The following EMILIN2 variants were observed in gnomAD, a reference collection of about 807,000 sequenced individuals.
EMILIN2 encodes the protein EMILIN-2.
Under a neutral mutation model 87.1 loss-of-function variants are expected in EMILIN2, and 71 were observed. The ratio of observed to expected loss-of-function variants is 0.82; its 90% CI spans 0.67 to 0.99. The LOEUF is 0.99. Among genes scored for constraint, EMILIN2 ranks in the 50% least tolerant of loss-of-function variants. The pLI is 0.00. For synonymous variants in EMILIN2, 581 were observed against 563.4 expected (o/e 1.03, Z -0.44); for missense variants, 1,407 against 1,371.8 (o/e 1.03, Z -0.40).
chr18:2,913,492 G>T lies in EMILIN2; in HGVS notation c.*88G>T. On this transcript the variant is annotated 3_prime_UTR_variant, in exon 8 of 8. Transcript: ENST00000254528. Reference sequence around the variant, plus strand: ...TTCGGTTTGTATGTAATGGAAGCACGGGGCTAGAGTTTCCACATAGGCCCC... The same window carrying T: ...TTCGGTTTGTATGTAATGGAAGCACTGGGCTAGAGTTTCCACATAGGCCCC... The T allele has an allele frequency of 9.1e-7, 1 of 1,102,806 alleles. No homozygotes were observed. Among genetic ancestry groups the T allele is most frequent in the East Asian group, 2.5e-5 (1 of 39,464 alleles). The allele number at this position is 1,102,806 out of a possible 1,614,324, so 68.3% of individuals were successfully genotyped here. A position where few individuals can be genotyped will look rare whatever the true frequency, so the allele number is the denominator to read the frequency against.
At position 2,892,253 on chromosome 18, in the gene EMILIN2, T is replaced by C; in HGVS notation, c.2126T>C (p.Met709Thr). 1 of 1,613,758 alleles carries C rather than the reference T, an allele frequency of 6.2e-7. No individual in the cohort carries two copies. The highest frequency in any genetic ancestry group is 8.5e-7 in the Non-Finnish European group (1 of 1,179,742). ...VSMVEGRVSH[M>T]EKTCSKLDSI... The stretch of plus-strand genomic sequence containing the variant: ...ATGGTGGAGGGCAGGGTGTCTCATA[T>C]GGAGAAAACTTGCAGCAAGCTGGAC... Residue 709 changes from methionine (M) to threonine (T), a missense_variant, in exon 4 of 8, where the codon ATG becomes ACG. Met to Thr is a moderately conservative substitution (Grantham distance 81, BLOSUM62 -1). Coordinates refer to ENST00000254528, the MANE Select transcript of EMILIN2 (RefSeq NM_032048.3).
At position 2,906,810 on chromosome 18, in the gene EMILIN2, A is replaced by T; in HGVS notation, c.2387A>T (p.Glu796Val). The T allele has an allele frequency of 3.1e-6, 4 of 1,299,884 alleles. No individual in the cohort carries two copies. The highest frequency in any genetic ancestry group is 3.9e-6 in the Non-Finnish European group (4 of 1,030,414). The allele number at this position is 1,299,884 out of a possible 1,614,324, so 80.5% of individuals were successfully genotyped here. ...GCGCCCTCGCCCCCGCCGCCCGCAGAGGCCCCGAAGGAGCCGCTGCAGCCC... is the reference window on the plus strand; with the variant it reads ...GCGCCCTCGCCCCCGCCGCCCGCAGTGGCCCCGAAGGAGCCGCTGCAGCCC... The part of the protein sequence containing the change: ...AKAPSPPPPA[E>V]APKEPLQPEP... The change falls in exon 5 of 8, where the codon GAG (glutamate) becomes GTG (valine). Residue 796 changes from glutamate to valine, a missense_variant. Transcript: ENST00000254528.
intron 4 of EMILIN2, among the ~76,000 whole-genome samples, chr18:2,905,988 G>A (rs898931107): frequency 1.3e-5 from 2 of 152,080 alleles, no homozygotes; most frequent in Admixed American, 6.5e-5. Context: ...TTTTTGTCGG[G>A]TCCTAAACAA....
At chr18:2,882,019 G>A (rs2076779237) in intron 2 of EMILIN2, among the ~76,000 whole-genome samples, 1 of 152,238 alleles carries the variant, frequency 6.6e-6, no homozygotes, top group African/African-American at 2.4e-5. Flanking sequence ...TCCAATGTAA[G>A]GCATCGCCTG....
chr18:2,865,024 G>T (rs1568457884), intron 2 of EMILIN2, among the ~76,000 whole-genome samples: 4 of 152,136 alleles, frequency 2.6e-5, no homozygotes, highest in African/African-American at 9.7e-5. Flanking sequence ...ACTGAGGCTT[G>T]TGCATTCGTC....
At position 2,914,870 on chromosome 18, in the gene EMILIN2, G is replaced by C. The variant is rs1251732643; in HGVS notation, c.*1466G>C. 4 of 152,210 alleles carry C rather than the reference G, an allele frequency of 2.6e-5. No homozygotes were observed. Among genetic ancestry groups the C allele is most frequent in the Non-Finnish European group, 4.4e-5 (3 of 68,060 alleles). The allele number at this position is 152,210 out of a possible 1,614,324, so 9.4% of individuals were successfully genotyped here. A position where few individuals can be genotyped will look rare whatever the true frequency, so the allele number is the denominator to read the frequency against. The stretch of plus-strand genomic sequence containing the variant: ...TTAAAATGTGGACCTCTTTGTCCAG[G>C]AGCGGGAGGGAGAATGGCATCTCAC... On this transcript the variant is annotated 3_prime_UTR_variant, in exon 8 of 8. Transcript: ENST00000254528.
rs2076589284 is a variant in EMILIN2, at chr18:2,848,748, CAT to C, written c.257+818_257+819del. Among the ~76,000 whole-genome samples the C allele has an allele frequency of 6.6e-6, 1 of 152,170 alleles. No individual in the cohort carries two copies. Among genetic ancestry groups the C allele is most frequent in the African/African-American group, 2.4e-5 (1 of 41,432 alleles). ...GTGAATAAATGGCTGTTGAGGAACA[CAT>C]GTGATGGCTGAAATTAATTGTTTTC... is the stretch of plus-strand genomic sequence containing the variant. On this transcript the variant is annotated intron_variant, in intron 2 of 7. Coordinates refer to ENST00000254528, the MANE Select transcript of EMILIN2 (RefSeq NM_032048.3). The surrounding 1 kb of genome is among the most constrained non-coding windows in gnomAD (Gnocchi z 4.1).
intron 4 of EMILIN2, among the ~76,000 whole-genome samples, chr18:2,896,199 G>T (rs2076862583): frequency 6.6e-6 from 1 of 151,828 alleles, no homozygotes; most frequent in Admixed American, 6.6e-5. Flanking sequence ...TTTTTGAGAT[G>T]GAGTCTCCCT....
At chr18:2,884,417 C>T (rs534292394) in intron 2 of EMILIN2, among the ~76,000 whole-genome samples, 6 of 82,464 alleles carry the variant, frequency 7.3e-5, no homozygotes, top group South Asian at 4.4e-4. Context: ...GGCTAAGTTT[C>T]GTATTTTTTG....
intron 4 of EMILIN2, among the ~76,000 whole-genome samples, chr18:2,893,483 A>G (rs1438668124): frequency 1.3e-5 from 2 of 152,208 alleles, no homozygotes; most frequent in Non-Finnish European, 2.9e-5. Flanking sequence ...AATGCTGGCT[A>G]CACCTTAGGC....
chr18:2,906,534 G>A (rs903675390), intron 4 of EMILIN2: 90 of 350,766 alleles, frequency 2.6e-4, no homozygotes, highest in Non-Finnish European at 4.2e-4. Flanking sequence ...AAGTGCAGCC[G>A]TCTGCGCCGG....
chr18:2,910,865 G>GC (rs2076937419), intron 7 of EMILIN2, among the ~76,000 whole-genome samples: 1 of 152,202 alleles, frequency 6.6e-6, no homozygotes, highest in South Asian at 2.1e-4. Context: ...AATTCTCAGT[G>GC]CCCCAGGCTG....
chr18:2,884,208 G>A (rs144336158), intron 2 of EMILIN2, among the ~76,000 whole-genome samples: 2,002 of 152,002 alleles, frequency 0.013, 44 homozygotes, highest in African/African-American at 0.045. Context: ...CGCCTGCCTC[G>A]GCCTCCCAAA....
At chr18:2,907,837 A>G (rs1416299802) in intron 5 of EMILIN2, among the ~76,000 whole-genome samples, 1 of 152,240 alleles carries the variant, frequency 6.6e-6, no homozygotes, top group Non-Finnish European at 1.5e-5. Flanking sequence ...ATGACCCTGA[A>G]TGGGGCAGGT....
In EMILIN2 at chr18:2,847,605, C is replaced by T. The variant is rs2076581733; in HGVS notation, c.135-204C>T. Among the ~76,000 whole-genome samples the T allele has an allele frequency of 6.6e-6, 1 of 152,158 alleles. No individual in the cohort carries two copies. The highest frequency in any genetic ancestry group is 6.5e-5 in the Admixed American group (1 of 15,284). ...CTGGGACCATGGGTGCTTTTCTTTC[C>T]CGTCTTGGTCGGGTCCAGGCGCGCG... On this transcript the variant is annotated intron_variant, in intron 1 of 7. Coordinates refer to ENST00000254528, the MANE Select transcript of EMILIN2 (RefSeq NM_032048.3). The surrounding 1 kb of genome is among the most constrained non-coding windows in gnomAD (Gnocchi z 4.5).
intron 4 of EMILIN2, among the ~76,000 whole-genome samples, chr18:2,895,360 A>AG (rs1483445425): frequency 6.6e-6 from 1 of 152,164 alleles, no homozygotes; most frequent in Non-Finnish European, 1.5e-5. Flanking sequence ...GATCTGATTG[A>AG]GGGATGGGTG....
chr18:2,873,445 C>T (rs866103441), intron 2 of EMILIN2, among the ~76,000 whole-genome samples: 2 of 149,562 alleles, frequency 1.3e-5, no homozygotes, highest in Admixed American at 6.7e-5. Flanking sequence ...CGGTAGCTCA[C>T]GCCTATAATC....
chr18:2,887,783 T>C (rs531513737), intron 3 of EMILIN2, among the ~76,000 whole-genome samples: 32 of 148,382 alleles, frequency 2.2e-4, no homozygotes, highest in African/African-American at 7.6e-4. Flanking sequence ...TTCACTGTCA[T>C]TATAAAAAAA....
At chr18:2,912,081 C>G (rs572145952) in intron 7 of EMILIN2, among the ~76,000 whole-genome samples, 3 of 142,552 alleles carry the variant, frequency 2.1e-5, no homozygotes, top group East Asian at 2.1e-4. Flanking sequence ...TTCTGTCACC[C>G]AGGCTGGAGT....
Sources: allele counts gnomAD v4.1 joint callset (sites outside exome capture counted in the v4.1 genomes callset), GRCh38; gene constraint gnomAD v4.1.1; non-coding constraint Gnocchi (gnomAD v3.1); transcripts MANE v1.5; gene names NCBI Gene and HGNC (gene_info 2026-07-23, HGNC 2026-07-21).